The following PARVA variants were observed in gnomAD, a reference collection of about 807,000 sequenced individuals.
The protein encoded by PARVA is parvin alpha.
A neutral mutation model predicts 52.6 loss-of-function variants in PARVA; 25 were observed. The observed-to-expected ratio is 0.48, with a 90% CI of 0.35 to 0.66. PARVA has a LOEUF of 0.66. PARVA is among the 30% of genes least tolerant of loss of function. PARVA has a pLI of 0.01. For synonymous variants in PARVA, 185 were observed against 179.1 expected (o/e 1.03, Z -0.26); for missense variants, 373 against 450.9 (o/e 0.83, Z 1.56).
intron 1 of PARVA, among the ~76,000 whole-genome samples, chr11:12,463,261 A>G (rs973037090): frequency 6.6e-6 from 1 of 152,174 alleles, no homozygotes; most frequent in African/African-American, 2.4e-5. Flanking sequence ...GTCTAAAGCC[A>G]TAGTTTATTC....
Position 12,531,437 on chromosome 11 carries a change from G to A in PARVA, c.*3512G>A, listed in dbSNP as rs1185502292. Among the ~76,000 whole-genome samples, 1 of 152,084 alleles carries A rather than the reference G, an allele frequency of 6.6e-6. No individual in the cohort carries two copies. The highest frequency in any genetic ancestry group is 6.6e-5 in the Admixed American group (1 of 15,236). On this transcript the variant is annotated 3_prime_UTR_variant, in exon 13 of 13. Transcript: ENST00000334956. ...TGGAGCTGTAATTTTTCAATAACTA[G>A]ACTCTGAGACATGTATACATTGTGG...
chr11:12,500,981 A>G (rs1941356515), intron 5 of PARVA, among the ~76,000 whole-genome samples: 1 of 147,316 alleles, frequency 6.8e-6, no homozygotes, highest in Admixed American at 6.7e-5. Flanking sequence ...GGTGGCATGC[A>G]CCTATAATCC....
At chr11:12,424,385 A>T (rs1219799103) in intron 1 of PARVA, among the ~76,000 whole-genome samples, 1 of 152,190 alleles carries the variant, frequency 6.6e-6, no homozygotes, top group Non-Finnish European at 1.5e-5. Flanking sequence ...TACCTCCAAC[A>T]TGAGTACTGA....
chr11:12,441,863 G>A (rs1940471276), intron 1 of PARVA, among the ~76,000 whole-genome samples: 1 of 152,230 alleles, frequency 6.6e-6, no homozygotes, highest in African/African-American at 2.4e-5. Flanking sequence ...TTGGAGATAG[G>A]GAATTGCTAT....
chr11:12,495,582 A>G (rs1204892569), intron 4 of PARVA, among the ~76,000 whole-genome samples: 2 of 151,834 alleles, frequency 1.3e-5, no homozygotes, highest in Non-Finnish European at 2.9e-5. Flanking sequence ...AGATTAAAAT[A>G]TGAATTTAGA....
chr11:12,429,079 G>A (rs113495972), intron 1 of PARVA, among the ~76,000 whole-genome samples: 2 of 152,278 alleles, frequency 1.3e-5, no homozygotes, highest in African/African-American at 4.8e-5. Flanking sequence ...CTGGGCTCAC[G>A]TGATCCTCCT....
At chr11:12,398,415 C>T (rs2134962280) in intron 1 of PARVA, 1 of 151,702 alleles carries the variant, frequency 6.6e-6, no homozygotes, top group Middle Eastern at 3.4e-3. Context: ...TTTGAATAGG[C>T]TGGTGACCCT....
intron 6 of PARVA, among the ~76,000 whole-genome samples, chr11:12,506,528 G>T (rs1941433289): frequency 6.6e-6 from 1 of 152,210 alleles, no homozygotes; most frequent in South Asian, 2.1e-4. Context: ...ATGTGAGCAG[G>T]AGAGAGGGGG....
chr11:12,446,334 A>C (rs1419249620), intron 1 of PARVA, among the ~76,000 whole-genome samples: 1 of 152,162 alleles, frequency 6.6e-6, no homozygotes, highest in East Asian at 1.9e-4. Flanking sequence ...CTACTACAAT[A>C]TCAAAAATAA....
intron 1 of PARVA, among the ~76,000 whole-genome samples, chr11:12,444,043 A>G (rs532381619): frequency 6.6e-6 from 1 of 152,278 alleles, no homozygotes; most frequent in South Asian, 2.1e-4. Context: ...TCCTCACTTC[A>G]GACACCATGT....
intron 10 of PARVA, among the ~76,000 whole-genome samples, chr11:12,514,892 T>C (rs2135079809): frequency 6.6e-6 from 1 of 152,392 alleles, no homozygotes; most frequent in Admixed American, 6.5e-5. Flanking sequence ...TTACTTGTCA[T>C]GTCTCTTTAG....
chr11:12,469,784 G>C (rs1179599488), intron 1 of PARVA, among the ~76,000 whole-genome samples: 1 of 152,178 alleles, frequency 6.6e-6, no homozygotes. Flanking sequence ...TCTTGGATTT[G>C]TTATGTCTCT....
At chr11:12,523,852 C>T (rs534482361) in intron 12 of PARVA, among the ~76,000 whole-genome samples, 2 of 152,202 alleles carry the variant, frequency 1.3e-5, no homozygotes, top group East Asian at 1.9e-4. Flanking sequence ...AGGGCTTTGA[C>T]GTGGCTCTGT....
intron 1 of PARVA, among the ~76,000 whole-genome samples, chr11:12,467,141 CTG>C (rs1202029340): frequency 2.6e-5 from 4 of 152,038 alleles, no homozygotes; most frequent in South Asian, 4.2e-4. Context: ...ATAAATGATA[CTG>C]TGTTTTTAAT....
At chr11:12,379,701 C>G (rs1939457631) in intron 1 of PARVA, among the ~76,000 whole-genome samples, 1 of 152,202 alleles carries the variant, frequency 6.6e-6, no homozygotes, top group African/African-American at 2.4e-5. Context: ...TGAGGATTAT[C>G]AGACTTGATG....
intron 4 of PARVA, chr11:12,480,441 C>T (rs1200272980): frequency 6.6e-6 from 1 of 152,070 alleles, no homozygotes; most frequent in Non-Finnish European, 1.5e-5. Flanking sequence ...GTGACTACAG[C>T]TTTTAACTCC....
At chr11:12,468,745 C>A (rs1449735044) in intron 1 of PARVA, among the ~76,000 whole-genome samples, 1 of 152,212 alleles carries the variant, frequency 6.6e-6, no homozygotes, top group Non-Finnish European at 1.5e-5. Context: ...ACACTAGCTT[C>A]TTCCTTGAGC....
intron 1 of PARVA, among the ~76,000 whole-genome samples, chr11:12,404,817 A>G (rs1323492142): frequency 6.6e-6 from 1 of 152,208 alleles, no homozygotes; most frequent in Non-Finnish European, 1.5e-5. Context: ...TTACATCCTC[A>G]TCTTTTCTGG....
intron 1 of PARVA, among the ~76,000 whole-genome samples, chr11:12,449,265 C>T (rs767417705): frequency 2.6e-5 from 4 of 152,032 alleles, no homozygotes; most frequent in Non-Finnish European, 4.4e-5. Flanking sequence ...GTGATTCTCC[C>T]GCCTCAGCCT....
Sources: allele counts gnomAD v4.1 joint callset (sites outside exome capture counted in the v4.1 genomes callset), GRCh38; gene constraint gnomAD v4.1.1; transcripts MANE v1.5; gene names NCBI Gene and HGNC (gene_info 2026-07-23, HGNC 2026-07-21).